Variants in OR10J1 observed in about 807,000 individuals in gnomAD.
OR10J1 encodes olfactory receptor 10J1.
For missense variants in OR10J1, 474 were observed against 376.6 expected (o/e 1.26, Z -2.14); for synonymous variants, 202 against 143.8 (o/e 1.40, Z -2.89).
the OR10J1 span, among the ~76,000 whole-genome samples, chr1:159,428,565 A>G: frequency 6.6e-6 from 1 of 152,192 alleles, no homozygotes; most frequent in South Asian, 2.1e-4. Context: ...TCTCGATAAG[A>G]CTTGCTGCCC....
the OR10J1 span, among the ~76,000 whole-genome samples, chr1:159,426,373 C>T: frequency 6.6e-6 from 1 of 151,488 alleles, no homozygotes; most frequent in Non-Finnish European, 1.5e-5. Context: ...CAGATGAAAA[C>T]AAAAAGAAAA....
upstream of OR10J1, chr1:159,433,072 C>T (rs189728211): frequency 1.2e-4 from 52 of 449,936 alleles, no homozygotes; most frequent in East Asian, 1.3e-3. Flanking sequence ...CTGTTGTATA[C>T]AGCCTGAGGA....
the OR10J1 span, among the ~76,000 whole-genome samples, chr1:159,421,247 G>C: frequency 6.6e-6 from 1 of 151,326 alleles, no homozygotes; most frequent in South Asian, 2.1e-4. Context: ...TTTCTGTTAG[G>C]TTCTTTTTTA....
At chr1:159,434,202 C>T (rs1216676553), upstream of OR10J1, among the ~76,000 whole-genome samples, 10 of 152,136 alleles carry the variant, frequency 6.6e-5, no homozygotes, top group African/African-American at 2.2e-4. Context: ...GATTTAAACA[C>T]GTGCAACCCA....
At chr1:159,414,442 C>G in the OR10J1 span, among the ~76,000 whole-genome samples, 1 of 152,092 alleles carries the variant, frequency 6.6e-6, no homozygotes, top group Admixed American at 6.6e-5. Context: ...TATGGTCAAA[C>G]AGTATTCCAT....
the OR10J1 span, among the ~76,000 whole-genome samples, chr1:159,415,448 T>C: frequency 1.3e-5 from 2 of 152,146 alleles, no homozygotes; most frequent in Non-Finnish European, 2.9e-5. Context: ...TTTATACTAA[T>C]ACCATGCTAT....
At chr1:159,416,449 C>CTT in the OR10J1 span, among the ~76,000 whole-genome samples, 3 of 139,320 alleles carry the variant, frequency 2.2e-5, no homozygotes, top group Non-Finnish European at 3.2e-5. Flanking sequence ...TGTTTTTGTC[C>CTT]TTTTTTTTTT....
chr1:159,410,258 T>G, the OR10J1 span, among the ~76,000 whole-genome samples: 1 of 152,036 alleles, frequency 6.6e-6, no homozygotes, highest in Admixed American at 6.6e-5. Context: ...GATTGGAATA[T>G]TTTCAGAAGG....
chr1:159,412,873 A>G, the OR10J1 span, among the ~76,000 whole-genome samples: 1 of 151,946 alleles, frequency 6.6e-6, no homozygotes, highest in East Asian at 1.9e-4. Flanking sequence ...TGCACAGCAA[A>G]AGAAACTACC....
At chr1:159,421,906 G>A in the OR10J1 span, among the ~76,000 whole-genome samples, 1 of 152,142 alleles carries the variant, frequency 6.6e-6, no homozygotes, top group Admixed American at 6.5e-5. Flanking sequence ...CAGTGGCAGG[G>A]AGGGTGGGCA....
At chr1:159,419,810 G>T in the OR10J1 span, among the ~76,000 whole-genome samples, 1 of 152,184 alleles carries the variant, frequency 6.6e-6, no homozygotes, top group Non-Finnish European at 1.5e-5. Flanking sequence ...GTAGTTGTTG[G>T]ATGAAATGCT....
the OR10J1 span, among the ~76,000 whole-genome samples, chr1:159,411,539 T>A: frequency 6.6e-6 from 1 of 152,132 alleles, no homozygotes; most frequent in Non-Finnish European, 1.5e-5. Context: ...TTTTTTGTTT[T>A]CCATTTGCTT....
At chr1:159,405,522 C>T in the OR10J1 span, 1 of 302,656 alleles carries the variant, frequency 3.3e-6, no homozygotes, top group South Asian at 4.2e-5. Flanking sequence ...CAGAGTTCAG[C>T]AGGGGAGTGA....
At chr1:159,435,083 C>T (rs920247184), upstream of OR10J1, among the ~76,000 whole-genome samples, 3 of 152,136 alleles carry the variant, frequency 2.0e-5, no homozygotes, top group East Asian at 5.8e-4. Flanking sequence ...ATACCCAGGA[C>T]ATTATTTCAG....
the OR10J1 span, among the ~76,000 whole-genome samples, chr1:159,429,713 C>T: frequency 6.6e-6 from 1 of 152,064 alleles, no homozygotes; most frequent in Non-Finnish European, 1.5e-5. Context: ...GGAGAATGGT[C>T]CTCTTGGGCA....
chr1:159,401,198 C>A, the OR10J1 span, among the ~76,000 whole-genome samples: 1 of 150,258 alleles, frequency 6.7e-6, no homozygotes, highest in Non-Finnish European at 1.5e-5. Context: ...TCTTATAGAA[C>A]TAGAATAGCA....
chr1:159,402,482 C>A, the OR10J1 span, among the ~76,000 whole-genome samples: 2 of 151,700 alleles, frequency 1.3e-5, no homozygotes. Flanking sequence ...ATGTGAAAAA[C>A]AAATTTTTTA....
chr1:159,409,786 G>A, the OR10J1 span, among the ~76,000 whole-genome samples: 1 of 152,088 alleles, frequency 6.6e-6, no homozygotes, highest in South Asian at 2.1e-4. Flanking sequence ...AGTTTTCAAA[G>A]GGAACGCTTC....
chr1:159,415,984 G>A, the OR10J1 span, among the ~76,000 whole-genome samples: 4 of 151,352 alleles, frequency 2.6e-5, no homozygotes, highest in Admixed American at 1.3e-4. Context: ...GAATTCACTA[G>A]GTCACTATTC....
Sources: allele counts gnomAD v4.1 joint callset (sites outside exome capture counted in the v4.1 genomes callset), GRCh38; gene constraint gnomAD v4.1.1; transcripts MANE v1.5; gene names NCBI Gene and HGNC (gene_info 2026-07-23, HGNC 2026-07-21).